The following ASTN1 variants were observed in gnomAD, a reference collection of about 807,000 sequenced individuals.
ASTN1 encodes astrotactin 1.
ASTN1 carries 41 observed loss-of-function variants against 140.7 expected under a neutral mutation model. The observed-to-expected ratio is 0.29, with a 90% confidence interval of 0.23 to 0.38. The LOEUF is 0.38. Ranked by LOEUF, ASTN1 falls within the 10% of genes least tolerant of loss-of-function variation. The pLI, the probability that ASTN1 is intolerant of heterozygous loss-of-function variation, is 1.00. For missense variants in ASTN1, 1,479 were observed against 1,678.8 expected (o/e 0.88, Z 2.08); for synonymous variants, 640 against 652.2 (o/e 0.98, Z 0.29).
chr1:176,910,417 G>C (rs1468299206), intron 16 of ASTN1, among the ~76,000 whole-genome samples: 2 of 152,136 alleles, frequency 1.3e-5, no homozygotes, highest in African/African-American at 2.4e-5. Context: ...CAATTGGGTA[G>C]AGCAAATACA....
intron 12 of ASTN1, among the ~76,000 whole-genome samples, chr1:176,948,928 C>T (rs1672068704): frequency 1.3e-5 from 2 of 152,194 alleles, no homozygotes; most frequent in African/African-American, 2.4e-5. Context: ...ATGTAGTTAA[C>T]TTCCCCTTGC....
intron 16 of ASTN1, among the ~76,000 whole-genome samples, chr1:176,905,220 C>T (rs949996967): frequency 3.4e-4 from 51 of 152,208 alleles, no homozygotes; most frequent in African/African-American, 1.2e-3. Flanking sequence ...AGTACAAACA[C>T]TCAGCTGAAT....
chr1:176,899,622 G>A (rs1445054888), intron 16 of ASTN1, among the ~76,000 whole-genome samples: 1 of 152,130 alleles, frequency 6.6e-6, no homozygotes, highest in African/African-American at 2.4e-5. Flanking sequence ...GGCTTGATGT[G>A]GGGCAAATGA....
Position 177,032,478 on chromosome 1 carries a change from C to T in ASTN1, c.843G>A (p.Lys281=), listed in dbSNP as rs994264135. 7 of 1,614,078 alleles carry T rather than the reference C, an allele frequency of 4.3e-6. No homozygotes were observed. In the African/African-American group the frequency reaches 9.3e-5, roughly 22 times the overall value. Residue 281 remains lysine, a synonymous_variant, in exon 3 of 23, where the codon AAG becomes AAA. Transcript: ENST00000361833. The part of the protein sequence containing the change: ...TLDSLQGCNE[K]SGMDLTPGSD... ...CACCTGGTGTGAGGTCCATCCCCGA[C>T]TTTTCATTGCAGCCCTGCAGGGAGT...
chr1:176,863,689 C>A lies in ASTN1; in HGVS notation c.*595G>T, dbSNP rs1668038051. 27 of 985,686 alleles carry A rather than the reference C, an allele frequency of 2.7e-5. No homozygotes were observed. Among genetic ancestry groups the A allele is most frequent in the Non-Finnish European group, 3.3e-5 (27 of 830,228 alleles). 61.1% of individuals were successfully genotyped at this position (985,686 alleles called of 1,614,324 possible). The stretch of plus-strand genomic sequence containing the variant: ...TGGGGCCTATAATGAAAGCTGGTTT[C>A]ACCTTTCGGGTATGGAAATAGTGAT... On this transcript the variant is annotated 3_prime_UTR_variant, in exon 23 of 23. Transcript: ENST00000361833.
rs750222370 is a variant in ASTN1, at chr1:177,011,944, T to C, written c.1523+2847A>G. On this transcript the variant is annotated intron_variant, in intron 8 of 22. Transcript: ENST00000361833. ...CTCCTGGTACATTGACCTTGATACT[T>C]CACTAAAGAATTTGTTTTAACTATT... Among the ~76,000 whole-genome samples, 6 of 152,206 alleles carry C rather than the reference T, an allele frequency of 3.9e-5. 1 individual carries two copies. The South Asian group carries it at 6.2e-4, about 16-fold the overall frequency.
At chr1:177,065,026 A>G (rs1300963149) in intron 1 of ASTN1, among the ~76,000 whole-genome samples, 9 of 152,202 alleles carry the variant, frequency 5.9e-5, no homozygotes, top group Admixed American at 5.9e-4. Context: ...TTGCTTTACC[A>G]ATGCAAGCCT....
chr1:176,943,847 T>C, intron 14 of ASTN1, 44 bp downstream of exon 14: 1 of 1,537,960 alleles, frequency 6.5e-7, no homozygotes, highest in Non-Finnish European at 8.8e-7. Flanking sequence ...TGCAGGGAGC[T>C]GCCTGTTTGT....
At chr1:177,062,114 T>C (rs1477010149) in intron 1 of ASTN1, among the ~76,000 whole-genome samples, 2 of 152,222 alleles carry the variant, frequency 1.3e-5, no homozygotes. Context: ...CAAGCAATAT[T>C]ATATCAAAGC....
At chr1:177,164,326 G>C in intron 1 of ASTN1, 68 bp downstream of exon 1, 2 of 1,389,134 alleles carry the variant, frequency 1.4e-6, no homozygotes, top group South Asian at 3.1e-5. Flanking sequence ...TGTGTAGAGC[G>C]AGCTGGAGTG....
intron 1 of ASTN1, among the ~76,000 whole-genome samples, chr1:177,074,370 T>C (rs1404774876): frequency 6.6e-6 from 1 of 152,190 alleles, no homozygotes; most frequent in African/African-American, 2.4e-5. Flanking sequence ...ACAAATATAG[T>C]AACTTACCAT....
At chr1:177,158,923 C>T (rs1683363170) in intron 1 of ASTN1, among the ~76,000 whole-genome samples, 3 of 149,974 alleles carry the variant, frequency 2.0e-5, no homozygotes, top group East Asian at 2.0e-4. Flanking sequence ...AAAAAATAGC[C>T]GGGCATGGTG....
intron 1 of ASTN1, among the ~76,000 whole-genome samples, chr1:177,132,916 G>A (rs1199307371): frequency 6.6e-6 from 1 of 152,152 alleles, no homozygotes. Context: ...AAAACATGAG[G>A]GAGATGTTCC....
chr1:177,055,961 C>T (rs7536958), intron 2 of ASTN1, among the ~76,000 whole-genome samples: 4,615 of 152,240 alleles, frequency 0.03, 227 homozygotes, highest in African/African-American at 0.1. Flanking sequence ...GTGTTGATGA[C>T]ACACAGTGAC....
chr1:176,964,067 C>T (rs991527001), intron 9 of ASTN1, among the ~76,000 whole-genome samples: 1 of 152,144 alleles, frequency 6.6e-6, no homozygotes, highest in African/African-American at 2.4e-5. Context: ...GAGTCCACCC[C>T]GAGCTACAGG....
intron 14 of ASTN1, among the ~76,000 whole-genome samples, chr1:176,938,857 T>C (rs12121068): frequency 0.011 from 1,737 of 152,298 alleles, 19 homozygotes; most frequent in Non-Finnish European, 0.018. Flanking sequence ...CTCATGCCTA[T>C]AATCCCAGTA....
At position 177,116,953 on chromosome 1, in the gene ASTN1, T is replaced by C. The variant is rs533890231; in HGVS notation, c.283+47441A>G. ...CTTCCACTCCCTTACACTGCAATTA[T>C]TACCTCTATCCTAATGACTCCCACC... On this transcript the variant is annotated intron_variant, in intron 1 of 22. Transcript: ENST00000361833. 2.0e-5 allele frequency among the ~76,000 whole-genome samples: 3 copies of C among 152,282 alleles called. No homozygotes were observed. In the South Asian group the frequency reaches 6.2e-4, roughly 32 times the overall value.
At chr1:177,035,135 C>T (rs923268634) in intron 2 of ASTN1, among the ~76,000 whole-genome samples, 1 of 152,220 alleles carries the variant, frequency 6.6e-6, no homozygotes, top group African/African-American at 2.4e-5. Context: ...CTCAATTCCC[C>T]ATTTTACATT....
intron 2 of ASTN1, among the ~76,000 whole-genome samples, chr1:177,059,832 G>C (rs769890757): frequency 3.5e-4 from 54 of 152,162 alleles, no homozygotes; most frequent in Non-Finnish European, 6.5e-4. Context: ...AATAAGGTTT[G>C]AACTAAGACT....
Sources: allele counts gnomAD v4.1 joint callset (sites outside exome capture counted in the v4.1 genomes callset), GRCh38; gene constraint gnomAD v4.1.1; transcripts MANE v1.5; gene names NCBI Gene and HGNC (gene_info 2026-07-23, HGNC 2026-07-21).